RBFOX1: variants seen among roughly 807,000 people sequenced by gnomAD.
RBFOX1 encodes the protein RNA binding fox-1 homolog 1, also known as RNA binding protein fox-1 homolog 1.
A neutral mutation model predicts 57.7 loss-of-function variants in RBFOX1; 8 were observed. That is an observed-to-expected ratio of 0.14 (90% CI 0.08 to 0.25). The LOEUF (loss-of-function observed/expected upper bound fraction) is 0.25. RBFOX1 is among the 10% of genes least tolerant of loss of function. The pLI is 1.00. For missense variants in RBFOX1, 611 were observed against 548.5 expected (o/e 1.11, Z -1.14); for synonymous variants, 326 against 222.4 (o/e 1.47, Z -4.15).
At chr16:6,837,407 C>A (rs529623527) in intron 3 of RBFOX1, among the ~76,000 whole-genome samples, 1 of 152,308 alleles carries the variant, frequency 6.6e-6, no homozygotes, top group South Asian at 2.1e-4. Flanking sequence ...TCACGGTCCA[C>A]CAGCTAGAGC....
intron 1 of RBFOX1, among the ~76,000 whole-genome samples, chr16:6,250,225 A>G (rs2097597685): frequency 6.6e-6 from 1 of 152,084 alleles, no homozygotes; most frequent in Non-Finnish European, 1.5e-5. Context: ...CTTCTTCTTT[A>G]TACATTCTGT....
chr16:5,718,003 C>G lies in RBFOX1; in HGVS notation c.318+119042C>G, dbSNP rs141027188. Among the ~76,000 whole-genome samples the G allele has an allele frequency of 2.7e-3, 404 of 152,316 alleles. 2 individuals carry two copies. Among genetic ancestry groups the G allele is most frequent in the African/African-American group, 8.1e-3 (338 of 41,564 alleles). On this transcript the variant is annotated intron_variant, in intron 3 of 19. Coordinates refer to the RBFOX1 transcript ENST00000641259. ...GTTATGCATCTACACTTTCTCATGACCTCATGATGAGCAGAGTGGACTTCT... is the reference window on the plus strand; with the variant it reads ...GTTATGCATCTACACTTTCTCATGAGCTCATGATGAGCAGAGTGGACTTCT...
At chr16:7,384,529 C>G (rs1217596731) in intron 4 of RBFOX1, among the ~76,000 whole-genome samples, 6 of 152,148 alleles carry the variant, frequency 3.9e-5, no homozygotes, top group African/African-American at 1.4e-4. Context: ...ACTCTGGCTA[C>G]AGAATCTTGG....
chr16:6,838,914 C>G (rs1309902065), intron 3 of RBFOX1, among the ~76,000 whole-genome samples: 5 of 151,732 alleles, frequency 3.3e-5, no homozygotes, highest in Non-Finnish European at 4.4e-5. Context: ...AAATACCATT[C>G]AAGACTGTGC....
chr16:6,229,059 A>T (rs1218906177), intron 1 of RBFOX1, among the ~76,000 whole-genome samples: 1 of 152,152 alleles, frequency 6.6e-6, no homozygotes, highest in Non-Finnish European at 1.5e-5. Context: ...AGACACACAG[A>T]ATAGACTCTT....
At chr16:6,399,919 G>T (rs1453146176) in intron 2 of RBFOX1, among the ~76,000 whole-genome samples, 2 of 152,158 alleles carry the variant, frequency 1.3e-5, no homozygotes, top group South Asian at 4.1e-4. Context: ...AAAACCCCCA[G>T]ATCTCGTGAG....
intron 2 of RBFOX1, among the ~76,000 whole-genome samples, chr16:6,525,133 T>G (rs1282002186): frequency 1.3e-5 from 2 of 152,192 alleles, no homozygotes; most frequent in Non-Finnish European, 2.9e-5. Flanking sequence ...TTGGTCAACC[T>G]GTATTTATTG....
At chr16:7,621,569 T>A (rs12597158) in intron 10 of RBFOX1, among the ~76,000 whole-genome samples, 3,286 of 152,168 alleles carry the variant, frequency 0.022, 112 homozygotes, top group African/African-American at 0.076. Context: ...CCTAATTGTT[T>A]TATTGTTTTG....
chr16:7,110,483 G>A (rs546661682), intron 4 of RBFOX1, among the ~76,000 whole-genome samples: 4 of 152,160 alleles, frequency 2.6e-5, no homozygotes, highest in East Asian at 1.9e-4. Context: ...ACAGGGCTCC[G>A]GCTTAAGGAG....
chr16:6,497,991 G>T (rs1423740735), intron 2 of RBFOX1, among the ~76,000 whole-genome samples: 4 of 152,052 alleles, frequency 2.6e-5, no homozygotes, highest in African/African-American at 9.7e-5. Context: ...GTTCATGCCT[G>T]TAATCCCAAC....
chr16:7,238,977 C>G lies in RBFOX1; in HGVS notation c.27+186879C>G, dbSNP rs2093919356. ...TTCCTGCAAAGGACATGATCTTGTT[C>G]TTTTTTATGGCTGCATAGCACCCCA... On this transcript the variant is annotated intron_variant, in intron 4 of 15. Coordinates refer to ENST00000550418, the MANE Select transcript of RBFOX1 (RefSeq NM_018723.4). 2.0e-5 allele frequency among the ~76,000 whole-genome samples: 3 copies of G among 152,296 alleles called. No individual in the cohort carries two copies. The South Asian group carries it at 6.2e-4, about 32-fold the overall frequency.
intron 3 of RBFOX1, among the ~76,000 whole-genome samples, chr16:5,763,616 G>A (rs1053111655): frequency 1.3e-5 from 2 of 152,184 alleles, no homozygotes; most frequent in Admixed American, 6.5e-5. Context: ...GCAATCCGCC[G>A]GCCTCCTGAA....
chr16:7,171,565 G>C (rs543308869), intron 4 of RBFOX1, among the ~76,000 whole-genome samples: 7 of 152,186 alleles, frequency 4.6e-5, no homozygotes, highest in Non-Finnish European at 8.8e-5. Flanking sequence ...GGCCGCCTCA[G>C]TGTTTAGAAT....
At chr16:7,225,487 A>T (rs527933938) in intron 4 of RBFOX1, among the ~76,000 whole-genome samples, 2 of 152,018 alleles carry the variant, frequency 1.3e-5, no homozygotes, top group African/African-American at 4.8e-5. Context: ...CCAGCCACGT[A>T]TAACTGTAAG....
chr16:6,809,427 A>C (rs1309478479), intron 3 of RBFOX1, among the ~76,000 whole-genome samples: 2 of 152,186 alleles, frequency 1.3e-5, no homozygotes, highest in African/African-American at 4.8e-5. Flanking sequence ...TTTTGTGGAT[A>C]TACACATAGA....
intron 4 of RBFOX1, among the ~76,000 whole-genome samples, chr16:7,221,344 A>ATTATTTCT (rs2092711750): frequency 8.7e-6 from 1 of 114,632 alleles, no homozygotes; most frequent in East Asian, 3.6e-4. Flanking sequence ...TTTTTATTTG[A>ATTATTTCT]TTATTTATTT....
rs114998515 is a variant in RBFOX1 at position 6,133,530 on chromosome 16, G to T, written c.-127+113538G>T. On this transcript the variant is annotated intron_variant, in intron 1 of 15. Transcript: ENST00000550418. ...ACCCTGCCTTGATTCCTGCGATCAC[G>T]CTATGTTTACTGTTACCCCTCCCCA... Among the ~76,000 whole-genome samples, 1,168 of 152,242 alleles carry T rather than the reference G, an allele frequency of 7.7e-3. 15 individuals carry two copies. The highest frequency in any genetic ancestry group is 0.027 in the African/African-American group (1,116 of 41,540).
At chr16:7,385,235 G>T (rs1005137457) in intron 4 of RBFOX1, among the ~76,000 whole-genome samples, 1 of 152,336 alleles carries the variant, frequency 6.6e-6, no homozygotes, top group Non-Finnish European at 1.5e-5. Context: ...TGCTTGCCAC[G>T]TGAAACATAG....
intron 4 of RBFOX1, among the ~76,000 whole-genome samples, chr16:5,956,056 TCACAAGAGCAGGAGTTCAAGACCAG>T (rs2059632338): frequency 6.6e-6 from 1 of 151,990 alleles, no homozygotes; most frequent in Admixed American, 6.6e-5. Context: ...GAGGCCAAGA[TCACAAGAGCAGGAGTTCAAGACCAG>T]CCTGGCCAAC....
Sources: gnomAD v4.1 joint callset for allele counts (sites outside exome capture counted in the v4.1 genomes callset) on GRCh38, gnomAD v4.1.1 for gene constraint, MANE v1.5 for transcripts, NCBI Gene and HGNC (gene_info 2026-07-23, HGNC 2026-07-21) for gene names.